Variants in PRICKLE1 observed in about 807,000 individuals in gnomAD.
The protein encoded by PRICKLE1 is prickle planar cell polarity protein 1, also known as prickle-like protein 1.
A neutral mutation model predicts 70.2 loss-of-function variants in PRICKLE1; 14 were observed. The observed-to-expected ratio is 0.20, with a 90% CI of 0.13 to 0.31. PRICKLE1 has a LOEUF of 0.31. PRICKLE1 is among the 10% of genes least tolerant of loss of function. The pLI, the probability that PRICKLE1 is intolerant of heterozygous loss-of-function variation, is 1.00. For synonymous variants in PRICKLE1, 357 were observed against 379.9 expected (o/e 0.94, Z 0.70); for missense variants, 821 against 1,026.2 (o/e 0.80, Z 2.73).
At chr12:42,490,650 T>C (rs111297440) in intron 1 of PRICKLE1, among the ~76,000 whole-genome samples, 1 of 152,046 alleles carries the variant, frequency 6.6e-6, no homozygotes, top group Non-Finnish European at 1.5e-5. Flanking sequence ...TAAACTGGAC[T>C]TGTGGCTGCC....
chr12:42,518,816 A>G (rs1249883557), intron 1 of PRICKLE1, among the ~76,000 whole-genome samples: 2 of 152,234 alleles, frequency 1.3e-5, no homozygotes, highest in African/African-American at 2.4e-5. Context: ...TCAAAACACT[A>G]GCAATAATAT....
chr12:42,498,466 GC>G (rs1200258030), intron 1 of PRICKLE1, among the ~76,000 whole-genome samples: 1 of 152,148 alleles, frequency 6.6e-6, no homozygotes, highest in Non-Finnish European at 1.5e-5. Context: ...GAGCCACTGT[GC>G]TTGGTCTCAT....
chr12:42,560,768 TCA>T (rs71084672), intron 1 of PRICKLE1, among the ~76,000 whole-genome samples: 3,989 of 127,590 alleles, frequency 0.031, 87 homozygotes, highest in South Asian at 0.091. Flanking sequence ...GCCCATCTTC[TCA>T]CACACACACA....
intron 1 of PRICKLE1, among the ~76,000 whole-genome samples, chr12:42,568,744 T>C (rs1940662225): frequency 6.6e-6 from 1 of 152,232 alleles, no homozygotes; most frequent in Non-Finnish European, 1.5e-5. Flanking sequence ...TACAGGCATA[T>C]ATTGCATGAT....
chr12:42,471,686 C>A (rs913814291), intron 2 of PRICKLE1, among the ~76,000 whole-genome samples: 1 of 152,228 alleles, frequency 6.6e-6, no homozygotes, highest in African/African-American at 2.4e-5. Context: ...ACATACCCCA[C>A]TGTCAACTTT....
rs141156584 is a variant in PRICKLE1 at position 42,487,557 on chromosome 12, C to A, written c.-48-14993G>T. ...TTCCTTTGTGAGGGAGGTAAACTCT[C>A]CCTTCACAGTACCCTGATGCACTGG... On this transcript the variant is annotated intron_variant, in intron 1 of 7. Transcript: ENST00000345127. Among the ~76,000 whole-genome samples the A allele has an allele frequency of 8.6e-3, 1,305 of 152,320 alleles. 14 individuals are homozygous for A. The highest frequency in any genetic ancestry group is 0.013 in the Non-Finnish European group (905 of 68,040).
intron 1 of PRICKLE1, among the ~76,000 whole-genome samples, chr12:42,535,533 C>A (rs1052534045): frequency 6.6e-6 from 1 of 152,118 alleles, no homozygotes; most frequent in Non-Finnish European, 1.5e-5. Context: ...ATTTTATGAC[C>A]ATTGAGAAAA....
At chr12:42,480,605 T>C (rs560852250) in intron 1 of PRICKLE1, among the ~76,000 whole-genome samples, 6 of 152,230 alleles carry the variant, frequency 3.9e-5, no homozygotes, top group Non-Finnish European at 8.8e-5. Flanking sequence ...TTTCTACTGG[T>C]CTGTATGCTG....
chr12:42,558,906 A>G (rs572382284), intron 1 of PRICKLE1, among the ~76,000 whole-genome samples: 1 of 152,234 alleles, frequency 6.6e-6, no homozygotes, highest in Non-Finnish European at 1.5e-5. Flanking sequence ...CAGAGATTAA[A>G]AAAAGAACAG....
chr12:42,492,190 C>T lies in PRICKLE1; in HGVS notation c.-48-19626G>A, dbSNP rs781697583. On this transcript the variant is annotated intron_variant, in intron 1 of 7. Coordinates refer to ENST00000345127, the MANE Select transcript of PRICKLE1 (RefSeq NM_153026.3). The stretch of plus-strand genomic sequence containing the variant: ...AATCATAGCTCACTGCAGCCTCTAC[C>T]GCCCAGGCTCAAGTGATCCTCCCAT... Among the ~76,000 whole-genome samples, 6 of 152,198 alleles carry T rather than the reference C, an allele frequency of 3.9e-5. No individual in the cohort carries two copies. In the East Asian group the frequency reaches 5.8e-4, roughly 15 times the overall value.
At chr12:42,481,610 G>A (rs1328651464) in intron 1 of PRICKLE1, among the ~76,000 whole-genome samples, 1 of 152,192 alleles carries the variant, frequency 6.6e-6, no homozygotes, top group South Asian at 2.1e-4. Context: ...GTGCATGGAA[G>A]ATGCAGATCA....
intron 1 of PRICKLE1, among the ~76,000 whole-genome samples, chr12:42,548,766 A>C (rs893319000): frequency 1.3e-5 from 2 of 152,138 alleles, no homozygotes; most frequent in Non-Finnish European, 2.9e-5. Context: ...CCTCACCTCC[A>C]ATTGAAACTG....
chr12:42,568,111 A>AAT (rs777165957), intron 1 of PRICKLE1, among the ~76,000 whole-genome samples: 7 of 152,338 alleles, frequency 4.6e-5, no homozygotes, highest in Middle Eastern at 3.4e-3. Flanking sequence ...AGAATTTGCT[A>AAT]ATATATATAG....
intron 1 of PRICKLE1, among the ~76,000 whole-genome samples, chr12:42,575,263 A>T (rs1206564450): frequency 1.3e-5 from 2 of 152,172 alleles, no homozygotes; most frequent in African/African-American, 2.4e-5. Flanking sequence ...GTTACTTAGA[A>T]CCTTAAGGCC....
intron 1 of PRICKLE1, among the ~76,000 whole-genome samples, chr12:42,518,314 G>A (rs1439826452): frequency 6.6e-6 from 1 of 152,070 alleles, no homozygotes; most frequent in Non-Finnish European, 1.5e-5. Flanking sequence ...AAAGTGCTGG[G>A]GTTACAGGCA....
chr12:42,470,505 G>C, intron 2 of PRICKLE1, 146 bp from the exon 3 acceptor site: 1 of 681,798 alleles, frequency 1.5e-6, no homozygotes, highest in Non-Finnish European at 2.7e-6. Context: ...CAGCAGAACT[G>C]CAAACCTTCA....
intron 1 of PRICKLE1, among the ~76,000 whole-genome samples, chr12:42,571,125 T>C (rs972250874): frequency 1.3e-5 from 2 of 152,174 alleles, no homozygotes; most frequent in Non-Finnish European, 2.9e-5. Flanking sequence ...AAATTGCCTG[T>C]CAAATTCTGC....
intron 5 of PRICKLE1, 113 bp from the exon 6 acceptor site, chr12:42,466,493 A>C (rs572141534): frequency 3.5e-6 from 3 of 857,690 alleles, no homozygotes; most frequent in Non-Finnish European, 5.7e-6. Flanking sequence ...TCTTAAAAAA[A>C]TCAGATAGCT....
At position 42,565,652 on chromosome 12, in the gene PRICKLE1, T is replaced by C. The variant is rs201172830; in HGVS notation, c.-49+23813A>G. 2.0e-5 allele frequency among the ~76,000 whole-genome samples: 3 copies of C among 152,298 alleles called. No individual in the cohort carries two copies. In the East Asian group the frequency reaches 5.8e-4, roughly 29 times the overall value. ...TTGGCCAATCCTGCGGGTTTATTCA[T>C]TTGTTATGTGTACTTGATTAGATCT... On this transcript the variant is annotated intron_variant, in intron 1 of 7. Transcript: ENST00000345127.
Sources: gnomAD v4.1 joint callset for allele counts (sites outside exome capture counted in the v4.1 genomes callset) on GRCh38, gnomAD v4.1.1 for gene constraint, MANE v1.5 for transcripts, NCBI Gene and HGNC (gene_info 2026-07-23, HGNC 2026-07-21) for gene names.